CPAMD8: variants seen among roughly 807,000 people sequenced by gnomAD.
CPAMD8 encodes the protein C3 and PZP like alpha-2-macroglobulin domain containing 8.
In CPAMD8, 146 loss-of-function variants were observed where a neutral mutation model predicts 224.7. That is an observed-to-expected ratio of 0.65 (90% CI 0.57 to 0.75). The LOEUF (loss-of-function observed/expected upper bound fraction) is 0.75, where lower values mean the gene tolerates loss of function less well. Among genes scored for constraint, CPAMD8 ranks in the 30% least tolerant of loss-of-function variants. CPAMD8 has a pLI of 0.00. For missense variants in CPAMD8, 2,301 were observed against 2,537.5 expected (o/e 0.91, Z 2.00); for synonymous variants, 966 against 1,044.6 (o/e 0.92, Z 1.45).
At chr19:16,998,033 T>C (rs2122992565) in intron 10 of CPAMD8, among the ~76,000 whole-genome samples, 1 of 152,266 alleles carries the variant, frequency 6.6e-6, no homozygotes, top group Non-Finnish European at 1.5e-5. Context: ...ACTCCGTAAA[T>C]GAGAGAACTA....
chr19:16,954,894 C>T (rs1157863972), intron 19 of CPAMD8, among the ~76,000 whole-genome samples: 4 of 152,030 alleles, frequency 2.6e-5, no homozygotes, highest in African/African-American at 4.8e-5. Flanking sequence ...TTTGGGAGGC[C>T]GAGGCGGGCG....
chr19:16,897,564 C>T, intron 39 of CPAMD8, 127 bp downstream of exon 39: 2 of 597,500 alleles, frequency 3.3e-6, no homozygotes, highest in South Asian at 4.2e-5. Flanking sequence ...CTCTATGCTG[C>T]GTTCTCCTGA....
chr19:16,971,512 C>T (rs914403359), intron 17 of CPAMD8, among the ~76,000 whole-genome samples: 3 of 152,078 alleles, frequency 2.0e-5, no homozygotes, highest in Non-Finnish European at 4.4e-5. Flanking sequence ...TGTATGATTC[C>T]GTTGAGATGA....
chr19:16,914,625 G>C (rs943184249), intron 28 of CPAMD8, 32 bp downstream of exon 28: 1 of 1,613,520 alleles, frequency 6.2e-7, no homozygotes. Context: ...GGAGGTGAGG[G>C]GCCCGGGAAG....
intron 41 of CPAMD8, chr19:16,894,743 C>G (rs2051892571): frequency 3.5e-6 from 1 of 285,562 alleles, no homozygotes. Context: ...CCCAGCAATA[C>G]AAAAGAACAA....
chr19:17,014,936 A>C (rs1338861113), intron 3 of CPAMD8, among the ~76,000 whole-genome samples: 1 of 152,176 alleles, frequency 6.6e-6, no homozygotes, highest in East Asian at 1.9e-4. Context: ...ATGTGCACCC[A>C]CCTGTTCCTA....
At chr19:17,018,732 ACACACACACAC>A (rs2056876542) in intron 3 of CPAMD8, among the ~76,000 whole-genome samples, 1 of 150,756 alleles carries the variant, frequency 6.6e-6, no homozygotes, top group African/African-American at 2.4e-5. Flanking sequence ...ACACACACAC[ACACACACACAC>A]ACACACACAC....
intron 17 of CPAMD8, among the ~76,000 whole-genome samples, chr19:16,973,125 C>T (rs2055124308): frequency 1.3e-5 from 2 of 151,904 alleles, no homozygotes; most frequent in African/African-American, 4.8e-5. Flanking sequence ...GCTGAGATCA[C>T]GCCACTGCAT....
At chr19:16,934,874 C>A (rs1239590664) in intron 23 of CPAMD8, among the ~76,000 whole-genome samples, 1 of 152,064 alleles carries the variant, frequency 6.6e-6, no homozygotes, top group Admixed American at 6.6e-5. Flanking sequence ...TAAGTACACT[C>A]AATGTTGTGC....
At position 16,927,749 on chromosome 19, in the gene CPAMD8, G is replaced by T. The variant is rs139193058; in HGVS notation, c.3370+260C>A. ...ACCTCTGCATAAGGTTTAGACTTGGGGGGCTCTAGATCTGCCATCTCACCT... is the reference window on the plus strand; with the variant it reads ...ACCTCTGCATAAGGTTTAGACTTGGTGGGCTCTAGATCTGCCATCTCACCT... On this transcript the variant is annotated intron_variant, in intron 25 of 41. Transcript: ENST00000443236. Among the ~76,000 whole-genome samples the T allele has an allele frequency of 2.7e-3, 418 of 152,304 alleles. 2 individuals are homozygous for T. Among genetic ancestry groups the T allele is most frequent in the African/African-American group, 9.8e-3 (407 of 41,568 alleles).
intron 22 of CPAMD8, among the ~76,000 whole-genome samples, chr19:16,941,409 A>G (rs1029145122): frequency 1.3e-5 from 2 of 152,186 alleles, no homozygotes; most frequent in African/African-American, 2.4e-5. Flanking sequence ...CATTGTGCTG[A>G]GTGAGAGAAG....
Position 16,904,219 on chromosome 19 carries a change from G to C in CPAMD8, c.4251+7C>G. The C allele has an allele frequency of 1.1e-6, 1 of 922,746 alleles. No homozygotes were observed. The highest frequency in any genetic ancestry group is 2.4e-5 in the Admixed American group (1 of 41,550). The allele number at this position is 922,746 out of a possible 1,614,324, so 57.2% of individuals were successfully genotyped here. On this transcript the variant is annotated splice_region_variant and intron_variant, in intron 32 of 41. Transcript: ENST00000443236. Reference sequence around the variant, plus strand: ...TGAGCCCCTCCCTCTGGCCCTGCCCGGCTCGCCTGAGTGGAGGAGAAGCCC... The same window carrying C: ...TGAGCCCCTCCCTCTGGCCCTGCCCCGCTCGCCTGAGTGGAGGAGAAGCCC...
At chr19:16,922,662 T>C (rs1270807221) in intron 26 of CPAMD8, among the ~76,000 whole-genome samples, 2 of 135,750 alleles carry the variant, frequency 1.5e-5, no homozygotes, top group African/African-American at 2.8e-5. Flanking sequence ...TGCTCCACAC[T>C]ACATCTGAGG....
At chr19:16,904,176 A>ACGGGGC in intron 32 of CPAMD8, 50 bp downstream of exon 32, 1 of 937,340 alleles carries the variant, frequency 1.1e-6, no homozygotes. Context: ...GACTGCAGGG[A>ACGGGGC]CCCCACCCAC....
At chr19:16,960,992 C>A (rs1317603318) in intron 18 of CPAMD8, among the ~76,000 whole-genome samples, 1 of 151,976 alleles carries the variant, frequency 6.6e-6, no homozygotes, top group Non-Finnish European at 1.5e-5. Flanking sequence ...TCTTCTACTG[C>A]TTGAAAAAAA....
chr19:16,975,088 T>A lies in CPAMD8; in HGVS notation c.2070+9A>T, dbSNP rs1400266039. On this transcript the variant is annotated intron_variant, in intron 17 of 41. Coordinates refer to ENST00000443236, the MANE Select transcript of CPAMD8 (RefSeq NM_015692.5). Reference sequence around the variant, plus strand: ...GGGGGCAGAGGGATCTGAGACCACCTCTCCTTACGGTGAAGGCAAACCCAG... The same window carrying A: ...GGGGGCAGAGGGATCTGAGACCACCACTCCTTACGGTGAAGGCAAACCCAG... 1 of 1,610,462 alleles carries A rather than the reference T, an allele frequency of 6.2e-7. No homozygotes were observed. Among genetic ancestry groups the A allele is most frequent in the Non-Finnish European group, 8.5e-7 (1 of 1,179,172 alleles).
In CPAMD8 at chr19:17,020,367, T is replaced by A; in HGVS notation, c.245-14A>T. 6.4e-7 allele frequency: 1 copy of A among 1,574,312 alleles called. No individual in the cohort carries two copies. Among genetic ancestry groups the A allele is most frequent in the South Asian group, 1.1e-5 (1 of 90,028 alleles). On this transcript the variant is annotated splice_polypyrimidine_tract_variant and intron_variant, in intron 2 of 41. Transcript: ENST00000443236. ...TTGTCCCTTTATCTAAAAATGAAAA[T>A]AAAATGAAAAAAGTTAAATCAAGAG...
chr19:16,978,940 A>G (rs1405514571), intron 14 of CPAMD8, among the ~76,000 whole-genome samples: 1 of 149,922 alleles, frequency 6.7e-6, no homozygotes, highest in Non-Finnish European at 1.5e-5. Context: ...CCCACCATCC[A>G]TCCATTTATC....
At chr19:17,026,096 C>T (rs2057073893) in intron 1 of CPAMD8, among the ~76,000 whole-genome samples, 2 of 152,132 alleles carry the variant, frequency 1.3e-5, no homozygotes, top group African/African-American at 4.8e-5. Flanking sequence ...ACCTTCTCCC[C>T]GCTGTCAACC....
Sources: gnomAD v4.1 joint callset for allele counts (sites outside exome capture counted in the v4.1 genomes callset) on GRCh38, gnomAD v4.1.1 for gene constraint, MANE v1.5 for transcripts, NCBI Gene and HGNC (gene_info 2026-07-23, HGNC 2026-07-21) for gene names.